The following TSC2 variants were observed in gnomAD, a reference collection of about 807,000 sequenced individuals.
TSC2 encodes tuberin.
A neutral mutation model predicts 202.2 loss-of-function variants in TSC2; 29 were observed. That is an observed-to-expected ratio of 0.14 (90% CI 0.11 to 0.20). The LOEUF is 0.20. Among genes scored for constraint, TSC2 ranks in the 10% least tolerant of loss-of-function variants. The pLI, the probability that TSC2 is intolerant of heterozygous loss-of-function variation, is 1.00. For missense variants in TSC2, 2,429 were observed against 2,420.0 expected, an observed-to-expected ratio of 1.00 and a Z score of -0.08; for synonymous variants, 1,349 against 1,044.0, an observed-to-expected ratio of 1.29 and a Z score of -5.63.
At chr16:2,072,554 T>C (rs2088625968) in intron 20 of TSC2, 191 bp downstream of exon 20, 1 of 932,040 alleles carries the variant, frequency 1.1e-6, no homozygotes, top group South Asian at 1.7e-5. Flanking sequence ...TCGCAGCTTT[T>C]GGGACTGACG....
intron 25 of TSC2, among the ~76,000 whole-genome samples, chr16:2,076,866 C>T (rs892537861): frequency 2.6e-5 from 4 of 152,192 alleles, no homozygotes; most frequent in Admixed American, 1.3e-4. Context: ...TCGAAGGAGC[C>T]GGCCTTGTCT....
intron 2 of TSC2, among the ~76,000 whole-genome samples, chr16:2,049,719 G>A (rs2084856494): frequency 1.3e-5 from 2 of 151,472 alleles, no homozygotes; most frequent in African/African-American, 4.8e-5. Flanking sequence ...CCAGCTACTC[G>A]GGGGGCTGAG....
rs1057521540 is a variant in TSC2 at position 2,084,377 on chromosome 16, C to T, written c.4155C>T (p.Ser1385=). Residue 1385 remains serine, a synonymous_variant, in exon 34 of 42, where the codon TCC becomes TCT. Transcript: ENST00000219476. ...SFQPSQPLSK[S]SSSPELQTLQ... ...AGCCCTCGCAGCCCCTGAGCAAGTC[C>T]AGCTCCTCTCCCGAGCTGCAGACTC... is the stretch of plus-strand genomic sequence containing the variant. The T allele has an allele frequency of 1.2e-6, 2 of 1,612,468 alleles. No homozygotes were observed. The highest frequency in any genetic ancestry group is 1.7e-6 in the Non-Finnish European group (2 of 1,179,926).
At chr16:2,056,588 C>G (rs2151075941) in intron 7 of TSC2, 56 bp from the exon 8 acceptor site, 2 of 1,598,468 alleles carry the variant, frequency 1.3e-6, no homozygotes, top group African/African-American at 1.3e-5. Context: ...TGGGTGTCCT[C>G]TCCTGTGGGG....
chr16:2,088,381 G>A (rs1445783650), intron 41 of TSC2, 56 bp downstream of exon 41: 40 of 1,612,204 alleles, frequency 2.5e-5, no homozygotes, highest in South Asian at 7.7e-5. Context: ...GCTGTGGGGC[G>A]GGTGTGTGGG....
chr16:2,053,504 G>A (rs2151030364), intron 4 of TSC2, 52 bp downstream of exon 4: 1 of 1,508,826 alleles, frequency 6.6e-7, no homozygotes, highest in Non-Finnish European at 9.0e-7. Context: ...CCCACTGACT[G>A]TCCTGTCCCT....
intron 20 of TSC2, 67 bp from the exon 21 acceptor site, chr16:2,072,782 C>G (rs2088671072): frequency 1.1e-5 from 18 of 1,611,024 alleles, no homozygotes; most frequent in Non-Finnish European, 1.5e-5. Flanking sequence ...AGGGCCTCCC[C>G]AGCCCCTCTG....
In TSC2 at chr16:2,079,368, C is replaced by T. The variant is rs397515024; in HGVS notation, c.3224C>T (p.Thr1075Ile). 2 of 1,612,928 alleles carry T rather than the reference C, an allele frequency of 1.2e-6. No individual in the cohort carries two copies. Among genetic ancestry groups the T allele is most frequent in the Non-Finnish European group, 1.7e-6 (2 of 1,180,024 alleles). Reference sequence around the variant, plus strand: ...GTCACTGTGACGACAAGCGTGGGAACCGGGACCCGGTCGTTACTAGGCCTG... The same window carrying T: ...GTCACTGTGACGACAAGCGTGGGAATCGGGACCCGGTCGTTACTAGGCCTG... ...KLVTVTTSVG[T>I]GTRSLLGLDS... Residue 1075 changes from threonine to isoleucine, a missense_variant, in exon 28 of 42, where the codon ACC becomes ATC. By Grantham distance (89) the Thr-to-Ile change is moderately conservative (BLOSUM62 -1). Coordinates refer to ENST00000219476, the MANE Select transcript of TSC2 (RefSeq NM_000548.5). The surrounding 1 kb of genome is among the most constrained non-coding windows in gnomAD (Gnocchi z 4.6).
chr16:2,086,580 TG>T lies in TSC2; in HGVS notation c.4850-148del, dbSNP rs1262874059. The T allele has an allele frequency of 3.6e-6, 5 of 1,407,458 alleles. No individual in the cohort carries two copies. The African/African-American group carries it at 5.7e-5, about 16-fold the overall frequency. 87.2% of individuals were successfully genotyped at this position (1,407,458 alleles called of 1,614,324 possible). ...GCTTTGCGTCCCAAAGCCCTGCCCC[TG>T]GGGAGAGCCGAGGACCACTGGCCAG... On this transcript the variant is annotated intron_variant, in intron 37 of 41. Coordinates refer to ENST00000219476, the MANE Select transcript of TSC2 (RefSeq NM_000548.5).
chr16:2,077,818 A>G, intron 26 of TSC2, 92 bp downstream of exon 26: 3 of 1,587,192 alleles, frequency 1.9e-6, no homozygotes, highest in South Asian at 2.2e-5. Flanking sequence ...GCATGACCTC[A>G]TCGTCTGCCC....
chr16:2,064,667 G>A, intron 15 of TSC2: 1 of 637,118 alleles, frequency 1.6e-6, no homozygotes, highest in Non-Finnish European at 2.7e-6. Flanking sequence ...AGCTGGGCTG[G>A]GCCTCCTGGA....
rs765005488 is a variant in TSC2, at chr16:2,084,248, G to T, written c.4026G>T (p.Gln1342His). The T allele has an allele frequency of 6.2e-7, 1 of 1,600,860 alleles. No individual in the cohort carries two copies. The change falls in exon 34 of 42, where the codon CAG becomes CAT. Residue 1342 changes from glutamine to histidine, a missense_variant. By Grantham distance (24) the Gln-to-His change is conservative (BLOSUM62 0). Coordinates refer to ENST00000219476, the MANE Select transcript of TSC2 (RefSeq NM_000548.5). Reference sequence around the variant, plus strand: ...TCTAGTCGTCCTCAGTCTCCAGCCAGGAGGAGAAGTCGCTCCACGCGGAGG... The same window carrying T: ...TCTAGTCGTCCTCAGTCTCCAGCCATGAGGAGAAGTCGCTCCACGCGGAGG... ...AYSRSSSVSSQEEKSLHAEEL... is the reference protein window; with the variant it reads ...AYSRSSSVSSHEEKSLHAEEL...
chr16:2,064,058 C>T (rs1175777324), intron 14 of TSC2: 4 of 718,386 alleles, frequency 5.6e-6, no homozygotes, highest in Admixed American at 2.1e-5. Flanking sequence ...CGGTGCTCAC[C>T]AGCCTTCTGA....
In TSC2 at chr16:2,084,954, C is replaced by T. The variant is rs372974007; in HGVS notation, c.4497C>T (p.Phe1499=). 20 of 1,613,312 alleles carry T rather than the reference C, an allele frequency of 1.2e-5. No individual in the cohort carries two copies. The East Asian group carries it at 1.6e-4, about 13-fold the overall frequency. The part of the protein sequence containing the change: ...AEKVPGINPS[F]VFLQLYHSPF... Reference sequence around the variant, plus strand: ...CCACCATCCCCTCCCTGTGCAGTTTCGTGTTCCTGCAGCTCTACCATTCCC... The same window carrying T: ...CCACCATCCCCTCCCTGTGCAGTTTTGTGTTCCTGCAGCTCTACCATTCCC... The change falls in exon 35 of 42, where the codon TTC becomes TTT. Residue 1499 remains phenylalanine, a synonymous_variant. Coordinates refer to ENST00000219476, the MANE Select transcript of TSC2 (RefSeq NM_000548.5).
At chr16:2,076,339 T>TGC in intron 24 of TSC2, 152 bp from the exon 25 acceptor site, 1 of 1,560,230 alleles carries the variant, frequency 6.4e-7, no homozygotes, top group Non-Finnish European at 8.7e-7. Context: ...AGGGCTTTGA[T>TGC]GCGCGGCAGG....
At chr16:2,072,198 T>C (rs2088542097) in intron 19 of TSC2, 43 bp from the exon 20 acceptor site, 4 of 1,612,736 alleles carry the variant, frequency 2.5e-6, no homozygotes. Context: ...CCTCTGTCTC[T>C]AGGGTCCAGA....
intron 32 of TSC2, chr16:2,082,956 C>A: frequency 2.7e-6 from 1 of 375,714 alleles, no homozygotes; most frequent in South Asian, 2.0e-5. Context: ...CCCTGCAGAC[C>A]GACCTCTGCC....
chr16:2,057,119 C>T lies in TSC2; in HGVS notation c.789C>T (p.Leu263=), dbSNP rs1478468856. 1.3e-6 allele frequency: 2 copies of T among 1,551,484 alleles called. No homozygotes were observed. Among genetic ancestry groups the T allele is most frequent in the Non-Finnish European group, 1.7e-6 (2 of 1,147,018 alleles). ...GTGTCTCGCAGCTGATGCGGAACCT[C>T]CTTGGCACCCACCTGGGCCACAGCG... is the stretch of plus-strand genomic sequence containing the variant. The part of the protein sequence containing the change: ...CEPCWKLMRN[L]LGTHLGHSAI... Residue 263 remains leucine (L), a synonymous_variant, in exon 9 of 42, where the codon CTC becomes CTT. Transcript: ENST00000219476.
Position 2,061,879 on chromosome 16 carries a change from C to G in TSC2, c.1128C>G (p.Asp376Glu). Reference sequence around the variant, plus strand: ...CGTGCCTGGTACTGCAGACCTTGGACAGCCCGGAGCTCAGGACCATCGTCC... The same window carrying G: ...CGTGCCTGGTACTGCAGACCTTGGAGAGCCCGGAGCTCAGGACCATCGTCC... ...ERLLQQLQTL[D>E]SPELRTIVHD... is the part of the protein sequence containing the mutation. Residue 376 changes from aspartate (D) to glutamate (E), a missense_variant, in exon 12 of 42, where the codon GAC (aspartate) becomes GAG (glutamate). By Grantham distance (45) the Asp-to-Glu change is conservative. Transcript: ENST00000219476. 3 of 1,614,150 alleles carry G rather than the reference C, an allele frequency of 1.9e-6. No homozygotes were observed. The highest frequency in any genetic ancestry group is 2.5e-6 in the Non-Finnish European group (3 of 1,180,038).
Sources: gnomAD v4.1 joint callset for allele counts (sites outside exome capture counted in the v4.1 genomes callset) on GRCh38, gnomAD v4.1.1 for gene constraint, Gnocchi (gnomAD v3.1) non-coding constraint, MANE v1.5 for transcripts, NCBI Gene and HGNC (gene_info 2026-07-23, HGNC 2026-07-21) for gene names.